The following CLASP2 variants were observed in gnomAD, a reference collection of about 807,000 sequenced individuals.
CLASP2 encodes the protein CLIP-associating protein 2.
A neutral mutation model predicts 194.4 loss-of-function variants in CLASP2; 47 were observed. The observed-to-expected ratio is 0.24, with a 90% CI of 0.19 to 0.31. The LOEUF is 0.31. Among genes scored for constraint, CLASP2 ranks in the 10% least tolerant of loss-of-function variants. The pLI, the probability that CLASP2 is intolerant of heterozygous loss-of-function variation, is 1.00. For missense variants in CLASP2, 1,445 were observed against 1,823.6 expected (o/e 0.79, Z 3.78); for synonymous variants, 619 against 633.5 (o/e 0.98, Z 0.34).
intron 33 of CLASP2, among the ~76,000 whole-genome samples, chr3:33,537,069 G>A (rs1005261364): frequency 6.6e-6 from 1 of 152,158 alleles, no homozygotes; most frequent in Non-Finnish European, 1.5e-5. Context: ...TTTTCTTAAT[G>A]AAGACATTGA....
At position 33,717,921 on chromosome 3, in the gene CLASP2, G is replaced by A. The variant is rs550533307; in HGVS notation, c.82C>T (p.Leu28Phe). Residue 28 changes from leucine (L) to phenylalanine (F), a missense_variant, in exon 1 of 39, where the codon CTC becomes TTC. Physicochemically the swap from Leu to Phe is conservative, Grantham distance 22. Around this residue, in one of 4 missense-constraint regions of CLASP2, gnomAD observed 332 missense variants for 325.3 expected, o/e 1.02. Coordinates refer to ENST00000682230, the MANE Select transcript of CLASP2 (RefSeq NM_001365631.1). Reference protein sequence around the residue: ...VGGRLQVGQELLLYLGAPGAI... With the variant: ...VGGRLQVGQEFLLYLGAPGAI... ...CCGGGGGCGCCAAGGTAGAGCAGGAGCTCCTGGCCGACCTGCAGCCGGCCG... is the reference window on the plus strand; with the variant it reads ...CCGGGGGCGCCAAGGTAGAGCAGGAACTCCTGGCCGACCTGCAGCCGGCCG... 2.8e-5 allele frequency: 44 copies of A among 1,551,532 alleles called. No individual in the cohort carries two copies. In the East Asian group the frequency reaches 5.1e-4, roughly 18 times the overall value.
chr3:33,637,831 C>A (rs919916361), intron 8 of CLASP2, among the ~76,000 whole-genome samples: 2 of 152,122 alleles, frequency 1.3e-5, no homozygotes, highest in Non-Finnish European at 2.9e-5. Flanking sequence ...ACACATAAAA[C>A]CTTTGACTAA....
At chr3:33,642,708 CA>C (rs1019922821) in intron 8 of CLASP2, among the ~76,000 whole-genome samples, 2 of 151,398 alleles carry the variant, frequency 1.3e-5, no homozygotes, top group African/African-American at 4.8e-5. Flanking sequence ...TTGCCAAGAC[CA>C]AAAAAACTAA....
At position 33,566,740 on chromosome 3, in the gene CLASP2, G is replaced by T; in HGVS notation, c.2764-6C>A. Reference sequence around the variant, plus strand: ...ATATTGAACCAACTTACTCTCTATTGAGAGTTCCAACACAGGGGACAGCAT... The same window carrying T: ...ATATTGAACCAACTTACTCTCTATTTAGAGTTCCAACACAGGGGACAGCAT... On this transcript the variant is annotated splice_region_variant and splice_polypyrimidine_tract_variant and intron_variant, in intron 26 of 38. Coordinates refer to ENST00000682230, the MANE Select transcript of CLASP2 (RefSeq NM_001365631.1). The T allele has an allele frequency of 2.2e-6, 1 of 449,788 alleles. No individual in the cohort carries two copies. Among genetic ancestry groups the T allele is most frequent in the Non-Finnish European group, 4.5e-6 (1 of 223,716 alleles). 27.9% of individuals were successfully genotyped at this position (449,788 alleles called of 1,614,324 possible).
At position 33,688,348 on chromosome 3, in the gene CLASP2, A is replaced by G; in HGVS notation, c.399T>C (p.Ala133=). The change falls in exon 4 of 39, where the codon GCT becomes GCC. Residue 133 remains alanine, a synonymous_variant. Coordinates refer to ENST00000682230, the MANE Select transcript of CLASP2 (RefSeq NM_001365631.1). The part of the protein sequence containing the change: ...APPMYIWEQL[A]SGFKHKNFRS... ...GAAAATTCTTGTGTTTAAAACCAGA[A>G]GCCAACTGCTCCCAAATGTACTATT... is the stretch of plus-strand genomic sequence containing the variant. 6.3e-7 allele frequency: 1 copy of G among 1,590,202 alleles called. No individual in the cohort carries two copies.
Position 33,704,332 on chromosome 3 carries a change from G to A in CLASP2, c.196-7399C>T, listed in dbSNP as rs144788888. 4.1e-4 allele frequency among the ~76,000 whole-genome samples: 62 copies of A among 152,098 alleles called. No homozygotes were observed. The East Asian group carries it at 4.3e-3, about 10-fold the overall frequency. ...GGCTGTGCATTATGCAGAAGCAGGC[G>A]GACATATGAGAAATCTGTCTCTCTT... On this transcript the variant is annotated intron_variant, in intron 1 of 38. Coordinates refer to ENST00000682230, the MANE Select transcript of CLASP2 (RefSeq NM_001365631.1).
intron 34 of CLASP2, among the ~76,000 whole-genome samples, chr3:33,535,023 A>T (rs750189807): frequency 2.7e-4 from 41 of 152,218 alleles, no homozygotes; most frequent in Non-Finnish European, 4.7e-4. Context: ...GATTTTGATC[A>T]TGATCTCAAG....
intron 34 of CLASP2, among the ~76,000 whole-genome samples, chr3:33,523,154 G>T (rs1335771112): frequency 6.6e-6 from 1 of 152,160 alleles, no homozygotes; most frequent in African/African-American, 2.4e-5. Context: ...AAAAGAATTA[G>T]TGAGCAGAGC....
In CLASP2 at chr3:33,585,137, T is replaced by A. The variant is rs1183706253; in HGVS notation, c.2069-217A>T. 1.8e-4 allele frequency among the ~76,000 whole-genome samples: 28 copies of A among 152,170 alleles called. 1 individual carries two copies. ...TATGAGCACTAAATGGTAAATCATCTAAAATATACTTTCAGTTTTGGAGGT... is the reference window on the plus strand; with the variant it reads ...TATGAGCACTAAATGGTAAATCATCAAAAATATACTTTCAGTTTTGGAGGT... On this transcript the variant is annotated intron_variant, in intron 21 of 38. Transcript: ENST00000682230.
chr3:33,553,341 G>C (rs1163361896), intron 29 of CLASP2, among the ~76,000 whole-genome samples: 2 of 151,998 alleles, frequency 1.3e-5, no homozygotes, highest in African/African-American at 4.8e-5. Context: ...AGCAAAAATA[G>C]ACAAATGAGA....
At chr3:33,630,580 T>G (rs1484113832) in intron 9 of CLASP2, among the ~76,000 whole-genome samples, 1 of 151,882 alleles carries the variant, frequency 6.6e-6, no homozygotes. Flanking sequence ...CAGATTCTAA[T>G]CAAGGCAAGA....
intron 13 of CLASP2, 127 bp downstream of exon 13, chr3:33,611,874 C>A: frequency 1.5e-6 from 1 of 658,138 alleles, no homozygotes; most frequent in Non-Finnish European, 2.5e-6. Context: ...AAAAACAAAA[C>A]AAAACACTTT....
Position 33,688,331 on chromosome 3 carries a change from T to C in CLASP2, c.416A>G (p.Lys139Arg), listed in dbSNP as rs1485786831. Residue 139 changes from lysine to arginine, a missense_variant, in exon 4 of 39, where the codon AAG becomes AGG. Lys to Arg is a conservative substitution (Grantham distance 26, BLOSUM62 2). Coordinates refer to ENST00000682230, the MANE Select transcript of CLASP2 (RefSeq NM_001365631.1). ...WEQLASGFKHKNFRSREGVCL... is the reference protein window; with the variant it reads ...WEQLASGFKHRNFRSREGVCL... ...CACGCCTTCTCGAGATCGAAAATTCTTGTGTTTAAAACCAGAAGCCAACTG... is the reference window on the plus strand; with the variant it reads ...CACGCCTTCTCGAGATCGAAAATTCCTGTGTTTAAAACCAGAAGCCAACTG... 1.3e-6 allele frequency: 2 copies of C among 1,593,450 alleles called. No homozygotes were observed. The highest frequency in any genetic ancestry group is 1.7e-6 in the Non-Finnish European group (2 of 1,169,018).
intron 8 of CLASP2, among the ~76,000 whole-genome samples, chr3:33,633,623 A>G (rs1375534849): frequency 6.6e-6 from 1 of 152,192 alleles, no homozygotes; most frequent in African/African-American, 2.4e-5. Flanking sequence ...TATATGTTTA[A>G]AGAAATCAAG....
At chr3:33,618,237 C>T (rs1414767034) in intron 12 of CLASP2, among the ~76,000 whole-genome samples, 6 of 152,060 alleles carry the variant, frequency 3.9e-5, no homozygotes, top group East Asian at 1.9e-4. Context: ...TGTGAGCTGC[C>T]GCGCCCGGCC....
chr3:33,596,780 T>C, intron 18 of CLASP2, 46 bp from the exon 19 acceptor site: 1 of 1,434,012 alleles, frequency 7.0e-7, no homozygotes, highest in Non-Finnish European at 9.6e-7. Context: ...CTTAGTATAT[T>C]AGAAGAAATG....
chr3:33,568,142 G>A (rs1282182334), intron 26 of CLASP2, among the ~76,000 whole-genome samples: 1 of 152,174 alleles, frequency 6.6e-6, no homozygotes, highest in East Asian at 1.9e-4. Flanking sequence ...ACGACAAAGA[G>A]TTGATCATAT....
intron 34 of CLASP2, among the ~76,000 whole-genome samples, chr3:33,519,832 G>T (rs1385303509): frequency 6.6e-6 from 1 of 152,088 alleles, no homozygotes; most frequent in Non-Finnish European, 1.5e-5. Flanking sequence ...ATGAAGTAGT[G>T]TTCCCAAGCT....
Position 33,583,137 on chromosome 3 carries a change from T to C in CLASP2, c.2240-1209A>G, listed in dbSNP as rs183474719. On this transcript the variant is annotated intron_variant, in intron 22 of 38. Coordinates refer to ENST00000682230, the MANE Select transcript of CLASP2 (RefSeq NM_001365631.1). ...CAAATAGGAATCTCAAGAAGATAGCTGAGCAAGAGGCCTAGATGCAACTAA... is the reference window on the plus strand; with the variant it reads ...CAAATAGGAATCTCAAGAAGATAGCCGAGCAAGAGGCCTAGATGCAACTAA... 1.6e-4 allele frequency among the ~76,000 whole-genome samples: 25 copies of C among 152,236 alleles called. 1 individual carries two copies. Among genetic ancestry groups the C allele is most frequent in the Admixed American group, 1.4e-3 (22 of 15,288 alleles).
Sources: gnomAD v4.1 joint callset for allele counts (sites outside exome capture counted in the v4.1 genomes callset) on GRCh38, gnomAD v4.1.1 for gene constraint, gnomAD v4.1.1 regional missense constraint, MANE v1.5 for transcripts, NCBI Gene and HGNC (gene_info 2026-07-23, HGNC 2026-07-21) for gene names.